The following DARS2 variants were observed in gnomAD, a reference collection of about 807,000 sequenced individuals.
DARS2 encodes aspartate--tRNA ligase, mitochondrial.
In DARS2, 63 loss-of-function variants were observed where a neutral mutation model predicts 83.0. The ratio of observed to expected loss-of-function variants is 0.76; its 90% CI spans 0.62 to 0.94. DARS2 has a LOEUF of 0.94. Among genes scored for constraint, DARS2 ranks in the 40% least tolerant of loss-of-function variants. The pLI, the probability that DARS2 is intolerant of heterozygous loss-of-function variation, is 0.00. For missense variants in DARS2, 675 were observed against 774.4 expected, an observed-to-expected ratio of 0.87 and a Z score of 1.52; for synonymous variants, 250 against 269.3, an observed-to-expected ratio of 0.93 and a Z score of 0.70.
At position 173,833,321 on chromosome 1, in the gene DARS2, A is replaced by G; in HGVS notation, c.493-55A>G. ...AAAATTCAAACTCTTTCTAAAGATAATACCTTTCTAATATTGAAAAATATT... is the reference window on the plus strand; with the variant it reads ...AAAATTCAAACTCTTTCTAAAGATAGTACCTTTCTAATATTGAAAAATATT... On this transcript the variant is annotated intron_variant, in intron 5 of 16. Transcript: ENST00000649689. 4 of 1,472,048 alleles carry G rather than the reference A, an allele frequency of 2.7e-6. No individual in the cohort carries two copies. In the African/African-American group the frequency reaches 5.7e-5, roughly 21 times the overall value. The allele number at this position is 1,472,048 out of a possible 1,614,324, so 91.2% of individuals were successfully genotyped here.
intron 2 of DARS2, 59 bp from the exon 3 acceptor site, chr1:173,828,274 A>G (rs1324732116): frequency 1.3e-6 from 2 of 1,547,158 alleles, no homozygotes; most frequent in East Asian, 4.5e-5. Context: ...TGTATGCTTC[A>G]ACTTTGGACT....
At chr1:173,838,952 G>T (rs1653108355) in intron 9 of DARS2, among the ~76,000 whole-genome samples, 1 of 152,098 alleles carries the variant, frequency 6.6e-6, no homozygotes, top group Non-Finnish European at 1.5e-5. Flanking sequence ...GGCCAGGATG[G>T]TCTGGATCTC....
intron 8 of DARS2, among the ~76,000 whole-genome samples, chr1:173,837,646 TA>T (rs1367608266): frequency 6.6e-6 from 1 of 152,248 alleles, no homozygotes; most frequent in Non-Finnish European, 1.5e-5. Flanking sequence ...ATTTGCATGC[TA>T]GTCTAAATAC....
intron 7 of DARS2, among the ~76,000 whole-genome samples, chr1:173,835,429 C>T (rs1049699833): frequency 2.0e-5 from 3 of 149,976 alleles, no homozygotes; most frequent in Non-Finnish European, 3.0e-5. Flanking sequence ...ATTGGCCGGG[C>T]GCGGTGGCTC....
Position 173,827,395 on chromosome 1 carries a change from C to T in DARS2, c.227+609C>T, listed in dbSNP as rs530211396. On this transcript the variant is annotated intron_variant, in intron 2 of 16. Transcript: ENST00000649689. Reference sequence around the variant, plus strand: ...CTGTAATCCCAGCACTTTGGGAGGCCGAGGCGGGCGGATCACGAGGTTAGG... The same window carrying T: ...CTGTAATCCCAGCACTTTGGGAGGCTGAGGCGGGCGGATCACGAGGTTAGG... Among the ~76,000 whole-genome samples, 12 of 152,134 alleles carry T rather than the reference C, an allele frequency of 7.9e-5. 1 individual carries two copies. The South Asian group carries it at 2.5e-3, about 32-fold the overall frequency.
At chr1:173,850,186 G>T in intron 12 of DARS2, 141 bp from the exon 13 acceptor site, 1 of 961,604 alleles carries the variant, frequency 1.0e-6, no homozygotes, top group Admixed American at 3.0e-5. Context: ...CATTTTGAAT[G>T]GGTTCATGGA....
intron 5 of DARS2, among the ~76,000 whole-genome samples, chr1:173,832,523 C>A (rs1157468457): frequency 3.9e-5 from 6 of 152,120 alleles, no homozygotes; most frequent in Non-Finnish European, 8.8e-5. Flanking sequence ...GTAATCCCAG[C>A]ACTTTGGGAG....
intron 1 of DARS2, 124 bp downstream of exon 1, chr1:173,825,480 A>G: frequency 2.4e-6 from 1 of 419,040 alleles, no homozygotes. Flanking sequence ...TATTATTATT[A>G]TTATTTGAGA....
chr1:173,835,397 T>C (rs71514818), intron 7 of DARS2, among the ~76,000 whole-genome samples: 7 of 146,420 alleles, frequency 4.8e-5, no homozygotes, highest in African/African-American at 1.7e-4. Flanking sequence ...AGCCAATGAA[T>C]TGGTTCTTTA....
intron 3 of DARS2, 144 bp from the exon 4 acceptor site, chr1:173,830,516 T>G: frequency 2.9e-6 from 2 of 699,674 alleles, no homozygotes; most frequent in South Asian, 3.1e-5. Context: ...CTAAATTTGG[T>G]AATAAAGTCA....
chr1:173,836,543 CAAAAA>C (rs749404243), intron 7 of DARS2, among the ~76,000 whole-genome samples: 2 of 109,588 alleles, frequency 1.8e-5, no homozygotes, highest in African/African-American at 6.9e-5. Context: ...GATTCTGTCT[CAAAAA>C]AAAAAAAAAG....
chr1:173,853,910 C>G lies in DARS2; in HGVS notation c.1674+5C>G. On this transcript the variant is annotated splice_donor_5th_base_variant and intron_variant, in intron 15 of 16. Coordinates refer to ENST00000649689, the MANE Select transcript of DARS2 (RefSeq NM_018122.5). ...ATCCTGGCAACCTTACTAAAGGTAA[C>G]AAACATCATCTGCTATCCTGGGCTT... is the stretch of plus-strand genomic sequence containing the variant. 1 of 1,602,314 alleles carries G rather than the reference C, an allele frequency of 6.2e-7. No individual in the cohort carries two copies. Among genetic ancestry groups the G allele is most frequent in the Non-Finnish European group, 8.6e-7 (1 of 1,169,192 alleles).
chr1:173,844,848 C>A (rs1331575610), intron 11 of DARS2, among the ~76,000 whole-genome samples: 1 of 112,872 alleles, frequency 8.9e-6, no homozygotes, highest in African/African-American at 3.4e-5. Context: ...GGCTGGAGTA[C>A]AGTGGCACAA....
Position 173,857,570 on chromosome 1 carries a change from C to T in DARS2, c.1803C>T (p.Val601=). ...LVTGSPSIRD[V]IAFPKSFRGH... ...CTGGATCTCCAAGCATCAGAGATGT[C>T]ATAGCCTTCCCAAAGTCCTTCCGGG... Residue 601 remains valine, a synonymous_variant, in exon 17 of 17, where the codon GTC becomes GTT. Transcript: ENST00000649689. 1 of 1,614,168 alleles carries T rather than the reference C, an allele frequency of 6.2e-7. No individual in the cohort carries two copies. The highest frequency in any genetic ancestry group is 8.5e-7 in the Non-Finnish European group (1 of 1,180,028).
intron 2 of DARS2, 117 bp from the exon 3 acceptor site, chr1:173,828,216 A>G (rs1364106886): frequency 1.3e-5 from 13 of 1,021,274 alleles, no homozygotes; most frequent in African/African-American, 1.7e-5. Context: ...TAATTATCAT[A>G]AAAAAGAAAC....
intron 13 of DARS2, 112 bp downstream of exon 13, chr1:173,850,591 T>A (rs1391169834): frequency 8.9e-7 from 1 of 1,121,236 alleles, no homozygotes; most frequent in African/African-American, 1.6e-5. Context: ...AAAATGGAGC[T>A]GCTCTGCATA....
In DARS2 at chr1:173,853,829, G is replaced by A. The variant is rs770353554; in HGVS notation, c.1598G>A (p.Gly533Asp). The A allele has an allele frequency of 6.2e-7, 1 of 1,614,144 alleles. No homozygotes were observed. Among genetic ancestry groups the A allele is most frequent in the East Asian group, 2.2e-5 (1 of 44,884 alleles). ...RSQHYDLVLN[G>D]NEIGGGSIRI... is the part of the protein sequence containing the mutation. ...CAACACTATGACTTGGTTTTAAATG[G>A]CAATGAAATAGGAGGTGGTTCAATT... Residue 533 changes from glycine to aspartate, a missense_variant, in exon 15 of 17, where the codon GGC becomes GAC. By Grantham distance (94) the Gly-to-Asp change is moderately conservative. Transcript: ENST00000649689.
chr1:173,848,029 A>AT (rs1653508908), intron 12 of DARS2, among the ~76,000 whole-genome samples: 1 of 151,046 alleles, frequency 6.6e-6, no homozygotes, highest in South Asian at 2.1e-4. Context: ...ATTTTTTTGT[A>AT]TTTTTACTAG....
At chr1:173,856,813 T>A in intron 16 of DARS2, 72 bp downstream of exon 16, 1 of 1,336,284 alleles carries the variant, frequency 7.5e-7, no homozygotes, top group South Asian at 1.2e-5. Flanking sequence ...TCTCAGTTTG[T>A]GTTGGTAGAG....
Sources: allele counts gnomAD v4.1 joint callset (sites outside exome capture counted in the v4.1 genomes callset), GRCh38; gene constraint gnomAD v4.1.1; transcripts MANE v1.5; gene names NCBI Gene and HGNC (gene_info 2026-07-23, HGNC 2026-07-21).